The following SLC24A2 variants were observed in gnomAD, a reference collection of about 807,000 sequenced individuals.
The protein encoded by SLC24A2 is sodium/potassium/calcium exchanger 2.
A neutral mutation model predicts 62.0 loss-of-function variants in SLC24A2; 36 were observed. That is an observed-to-expected ratio of 0.58 (90% CI 0.44 to 0.77). SLC24A2 has a LOEUF of 0.77. Among genes scored for constraint, SLC24A2 ranks in the 30% least tolerant of loss-of-function variants. The probability of loss-of-function intolerance (pLI) is 0.00; values close to 1 mark genes in which losing one functional copy is unlikely to be tolerated. For synonymous variants in SLC24A2, 358 were observed against 294.0 expected, an observed-to-expected ratio of 1.22 and a Z score of -2.23; for missense variants, 846 against 817.9, an observed-to-expected ratio of 1.03 and a Z score of -0.42.
chr9:19,619,603 G>C lies in SLC24A2; in HGVS notation c.1059C>G (p.Thr353=). The change falls in exon 4 of 11, where the codon ACC becomes ACG. Residue 353 remains threonine (T), a synonymous_variant. Coordinates refer to ENST00000341998, the MANE Select transcript of SLC24A2 (RefSeq NM_020344.4). The part of the protein sequence containing the change: ...RNSIFQLMIH[T]LDPLAEELGS... ...GTTTACCTTCGGCGAGTGGGTCAAG[G>C]GTGTGTATCATGAGTTGGAAGATGC... 1 of 1,613,616 alleles carries C rather than the reference G, an allele frequency of 6.2e-7. No individual in the cohort carries two copies. The highest frequency in any genetic ancestry group is 8.5e-7 in the Non-Finnish European group (1 of 1,179,556).
chr9:19,551,760 G>A (rs1005803938), intron 7 of SLC24A2, among the ~76,000 whole-genome samples: 12 of 152,166 alleles, frequency 7.9e-5, no homozygotes, highest in African/African-American at 2.9e-4. Context: ...TCAGGGCTGG[G>A]TGAGAGGCCG....
At chr9:20,279,500 C>T in the SLC24A2 span, among the ~76,000 whole-genome samples, 2 of 152,174 alleles carry the variant, frequency 1.3e-5, no homozygotes, top group African/African-American at 2.4e-5. Context: ...CATTGCACTC[C>T]AGCCCGAGCA....
chr9:19,567,365 T>C (rs1268171621), intron 7 of SLC24A2, among the ~76,000 whole-genome samples: 2 of 151,440 alleles, frequency 1.3e-5, no homozygotes, highest in Non-Finnish European at 2.9e-5. Context: ...GCTAACACAA[T>C]GAAACCCTGT....
the SLC24A2 span, among the ~76,000 whole-genome samples, chr9:19,987,637 T>G: frequency 2.4e-4 from 37 of 152,274 alleles, no homozygotes; most frequent in African/African-American, 7.9e-4. Context: ...TTCCAAAAAG[T>G]CTCCAATTCC....
In SLC24A2 at chr9:19,622,268, G is replaced by C. The variant is rs1390988557; in HGVS notation, c.962C>G (p.Thr321Ser). 1.2e-6 allele frequency: 2 copies of C among 1,613,336 alleles called. No homozygotes were observed. The highest frequency in any genetic ancestry group is 1.7e-6 in the Non-Finnish European group (2 of 1,179,416). The change falls in exon 3 of 11, where the codon ACT becomes AGT. Residue 321 changes from threonine (T) to serine (S), a missense_variant. Thr to Ser is a moderately conservative substitution (Grantham distance 58). Transcript: ENST00000341998. ...PSAARDKDEP[T>S]LPAKPRLQRG... ...AAAGCCACTGCTTCCTACCGGTAGA[G>C]TTGGTTCATCCTTGTCCCTGGCTGC...
intron 2 of SLC24A2, among the ~76,000 whole-genome samples, chr9:19,719,445 T>C (rs1820959317): frequency 6.6e-6 from 1 of 152,208 alleles, no homozygotes; most frequent in African/African-American, 2.4e-5. Flanking sequence ...AGAGAGGAGT[T>C]CTGCCTTTAA....
chr9:19,883,571 G>GT, the SLC24A2 span, among the ~76,000 whole-genome samples: 87,192 of 147,630 alleles, frequency 0.59, 26,387 homozygotes, highest in East Asian at 0.84. Flanking sequence ...TCTGTACATT[G>GT]TTTTTTTTTT....
the SLC24A2 span, among the ~76,000 whole-genome samples, chr9:20,094,198 A>C: frequency 7.2e-5 from 11 of 152,184 alleles, no homozygotes; most frequent in African/African-American, 2.7e-4. Flanking sequence ...CTCATAAGGC[A>C]CTTCTGCATC....
At chr9:20,099,049 C>A in the SLC24A2 span, among the ~76,000 whole-genome samples, 5 of 152,234 alleles carry the variant, frequency 3.3e-5, no homozygotes, top group East Asian at 1.9e-4. Flanking sequence ...CCACTGCCAA[C>A]AGAACAAAAA....
At chr9:19,671,608 A>G (rs1819418370) in intron 2 of SLC24A2, among the ~76,000 whole-genome samples, 1 of 152,168 alleles carries the variant, frequency 6.6e-6, no homozygotes, top group Non-Finnish European at 1.5e-5. Context: ...AGAAGTAGTT[A>G]GAGTGGGCAT....
chr9:19,762,983 T>G (rs1479309199), intron 2 of SLC24A2, among the ~76,000 whole-genome samples: 4 of 152,160 alleles, frequency 2.6e-5, no homozygotes, highest in Admixed American at 6.5e-5. Context: ...GTTTGAGTCC[T>G]CTCTTATTTC....
At chr9:19,927,151 C>T in the SLC24A2 span, 1 of 152,132 alleles carries the variant, frequency 6.6e-6, no homozygotes, top group Non-Finnish European at 1.5e-5. Flanking sequence ...TCCTGGAAGC[C>T]TGGACCTTAG....
the SLC24A2 span, among the ~76,000 whole-genome samples, chr9:20,007,358 A>G: frequency 6.6e-6 from 1 of 152,230 alleles, no homozygotes; most frequent in Middle Eastern, 3.4e-3. Flanking sequence ...TTTAGGGTGA[A>G]AAGGTGCATT....
chr9:19,769,010 A>G (rs1402829333), intron 2 of SLC24A2, among the ~76,000 whole-genome samples: 2 of 152,148 alleles, frequency 1.3e-5, no homozygotes, highest in African/African-American at 4.8e-5. Context: ...TCGTGTCTGA[A>G]CTTGTATTTC....
chr9:20,304,761 T>C, the SLC24A2 span, among the ~76,000 whole-genome samples: 100 of 152,322 alleles, frequency 6.6e-4, no homozygotes, highest in South Asian at 2.1e-4. Flanking sequence ...CTCTATTTTA[T>C]AGAGGAGGAA....
rs188777550 is a variant in SLC24A2, at chr9:19,732,892, T to G, written c.930+53045A>C. ...CCCAGTGTAAAAAAAAATCCAGATT[T>G]TTCAATTGCCATTCTGCGAGTAAAA... On this transcript the variant is annotated intron_variant, in intron 2 of 10. Coordinates refer to ENST00000341998, the MANE Select transcript of SLC24A2 (RefSeq NM_020344.4). Among the ~76,000 whole-genome samples, 465 of 152,318 alleles carry G rather than the reference T, an allele frequency of 3.1e-3. 7 individuals carry two copies. Among genetic ancestry groups the G allele is most frequent in the Admixed American group, 0.029 (438 of 15,298 alleles).
the SLC24A2 span, among the ~76,000 whole-genome samples, chr9:20,276,449 G>A: frequency 6.6e-6 from 1 of 152,260 alleles, no homozygotes; most frequent in Admixed American, 6.5e-5. Flanking sequence ...CTCTGCCCCT[G>A]TGGCTTTGCA....
At chr9:20,144,039 G>T in the SLC24A2 span, among the ~76,000 whole-genome samples, 2 of 152,186 alleles carry the variant, frequency 1.3e-5, no homozygotes, top group African/African-American at 2.4e-5. Flanking sequence ...ATGTTACATG[G>T]TAAGTAAAAA....
the SLC24A2 span, among the ~76,000 whole-genome samples, chr9:20,274,412 G>C: frequency 6.6e-6 from 1 of 152,198 alleles, no homozygotes; most frequent in East Asian, 1.9e-4. Context: ...ATTCTTTAGA[G>C]AGTTTTGATC....
Sources: allele counts gnomAD v4.1 joint callset (sites outside exome capture counted in the v4.1 genomes callset), GRCh38; gene constraint gnomAD v4.1.1; transcripts MANE v1.5; gene names NCBI Gene and HGNC (gene_info 2026-07-23, HGNC 2026-07-21).